Variants in ANKRD44 observed in about 807,000 individuals in gnomAD.
ANKRD44 encodes serine/threonine-protein phosphatase 6 regulatory ankyrin repeat subunit B.
A neutral mutation model predicts 116.0 loss-of-function variants in ANKRD44; 35 were observed. That is an observed-to-expected ratio of 0.30 (90% CI 0.23 to 0.40). ANKRD44 has a LOEUF of 0.40. Among genes scored for constraint, ANKRD44 ranks in the 10% least tolerant of loss-of-function variants. ANKRD44 has a pLI of 1.00. For synonymous variants in ANKRD44, 435 were observed against 461.8 expected, an observed-to-expected ratio of 0.94 and a Z score of 0.74; for missense variants, 1,014 against 1,242.6, an observed-to-expected ratio of 0.82 and a Z score of 2.77.
intron 16 of ANKRD44, among the ~76,000 whole-genome samples, chr2:197,073,952 T>C (rs998247945): frequency 1.3e-5 from 2 of 152,196 alleles, no homozygotes; most frequent in Non-Finnish European, 2.9e-5. Flanking sequence ...TCATTCATGG[T>C]AAAGCCCCCA....
At chr2:197,286,783 G>C (rs188410557) in intron 1 of ANKRD44, among the ~76,000 whole-genome samples, 34 of 152,022 alleles carry the variant, frequency 2.2e-4, no homozygotes, top group African/African-American at 8.2e-4. Context: ...CATGAAAAAA[G>C]GCCACAGAAT....
chr2:197,304,192 G>A lies in ANKRD44; in HGVS notation c.27+6386C>T, dbSNP rs892103365. Among the ~76,000 whole-genome samples, 15 of 152,232 alleles carry A rather than the reference G, an allele frequency of 9.9e-5. No homozygotes were observed. In the South Asian group the frequency reaches 1.5e-3, roughly 15 times the overall value. ...GTAGTGGTGCAAGCCTGTAATCCCA[G>A]CTACCCGGGAGTCTGAGGCTCAAGA... is the stretch of plus-strand genomic sequence containing the variant. On this transcript the variant is annotated intron_variant, in intron 1 of 27. Transcript: ENST00000282272.
At chr2:197,258,667 G>A (rs867464117) in intron 1 of ANKRD44, among the ~76,000 whole-genome samples, 1 of 152,102 alleles carries the variant, frequency 6.6e-6, no homozygotes, top group Non-Finnish European at 1.5e-5. Context: ...ACCACCACAC[G>A]GTTTTTCATG....
chr2:197,180,078 C>T (rs1272422988), intron 2 of ANKRD44, among the ~76,000 whole-genome samples: 1 of 151,922 alleles, frequency 6.6e-6, no homozygotes, highest in Admixed American at 6.5e-5. Flanking sequence ...ACCCCGGCCC[C>T]TAATCAGCGA....
intron 21 of ANKRD44, among the ~76,000 whole-genome samples, chr2:196,980,779 G>A (rs764839683): frequency 5.3e-5 from 8 of 152,142 alleles, no homozygotes; most frequent in Non-Finnish European, 1.2e-4. Flanking sequence ...TAATAGAAAT[G>A]CACTTGACCA....
chr2:196,986,158 C>T (rs1253651996), downstream of ANKRD44, among the ~76,000 whole-genome samples: 1 of 152,166 alleles, frequency 6.6e-6, no homozygotes, highest in Non-Finnish European at 1.5e-5. Context: ...TCTCTGTTCT[C>T]ATTTTTCTAT....
At chr2:197,136,312 T>A (rs1480132941) in intron 4 of ANKRD44, 1 of 448,470 alleles carries the variant, frequency 2.2e-6, no homozygotes, top group Non-Finnish European at 4.0e-6. Flanking sequence ...GATGATATTG[T>A]AATGATATGC....
intron 1 of ANKRD44, among the ~76,000 whole-genome samples, chr2:197,242,629 C>T (rs1032873810): frequency 2.0e-5 from 3 of 152,194 alleles, no homozygotes; most frequent in African/African-American, 7.2e-5. Flanking sequence ...AGGCTGTTCC[C>T]CCTATGGAAT....
intron 2 of ANKRD44, among the ~76,000 whole-genome samples, chr2:197,150,583 T>C (rs2079619368): frequency 6.6e-6 from 1 of 152,008 alleles, no homozygotes. Context: ...AAGAGCATCT[T>C]AGAAGTTCAT....
At chr2:197,219,918 T>G (rs1195997842) in intron 1 of ANKRD44, among the ~76,000 whole-genome samples, 1 of 152,084 alleles carries the variant, frequency 6.6e-6, no homozygotes, top group African/African-American at 2.4e-5. Context: ...CAAGAGTGAG[T>G]GAATGCCTTC....
chr2:197,258,139 G>C (rs2082500986), intron 1 of ANKRD44, among the ~76,000 whole-genome samples: 1 of 151,378 alleles, frequency 6.6e-6, no homozygotes, highest in African/African-American at 2.4e-5. Flanking sequence ...GTCTTGCTCT[G>C]TCACCCAGGC....
intron 1 of ANKRD44, among the ~76,000 whole-genome samples, chr2:197,247,584 G>C (rs1422975691): frequency 6.6e-6 from 1 of 152,162 alleles, no homozygotes; most frequent in African/African-American, 2.4e-5. Flanking sequence ...GTGCATGAGA[G>C]GACACAAACC....
At chr2:197,025,792 C>T (rs1289845678) in intron 16 of ANKRD44, among the ~76,000 whole-genome samples, 1 of 152,114 alleles carries the variant, frequency 6.6e-6, no homozygotes, top group African/African-American at 2.4e-5. Context: ...CAAGTGAATC[C>T]TAAATAAGAA....
chr2:197,234,510 AT>A (rs1412507715), intron 1 of ANKRD44, among the ~76,000 whole-genome samples: 2 of 152,054 alleles, frequency 1.3e-5, no homozygotes, highest in Non-Finnish European at 2.9e-5. Flanking sequence ...GGCATCTCTT[AT>A]TTTGTTTTGT....
intron 2 of ANKRD44, among the ~76,000 whole-genome samples, chr2:197,154,015 A>G (rs2079734358): frequency 6.6e-6 from 1 of 152,192 alleles, no homozygotes. Flanking sequence ...ATACCCAAAA[A>G]AGGAAGCACT....
At chr2:197,306,582 CCTT>C (rs138914066) in intron 1 of ANKRD44, among the ~76,000 whole-genome samples, 1,750 of 152,252 alleles carry the variant, frequency 0.011, 27 homozygotes, top group African/African-American at 0.04. Flanking sequence ...CTTTCTTTTC[CCTT>C]CTTCTATGCT....
chr2:197,123,376 T>A (rs1441185246), intron 6 of ANKRD44, among the ~76,000 whole-genome samples: 3 of 152,268 alleles, frequency 2.0e-5, no homozygotes, highest in Admixed American at 2.0e-4. Flanking sequence ...TTTTAGCTCC[T>A]GTTAGCATTT....
intron 1 of ANKRD44, among the ~76,000 whole-genome samples, chr2:197,239,535 AAC>A (rs1383330419): frequency 6.6e-6 from 1 of 152,204 alleles, no homozygotes; most frequent in Non-Finnish European, 1.5e-5. Context: ...CGGCCAAAAA[AAC>A]AGTCTTTAAT....
chr2:196,997,167 T>C (rs928773735), intron 25 of ANKRD44, among the ~76,000 whole-genome samples: 3 of 151,408 alleles, frequency 2.0e-5, no homozygotes, highest in African/African-American at 7.3e-5. Flanking sequence ...ATCCAAAAAA[T>C]CCTAAATCTG....
Sources: allele counts gnomAD v4.1 joint callset (sites outside exome capture counted in the v4.1 genomes callset), GRCh38; gene constraint gnomAD v4.1.1; transcripts MANE v1.5; gene names NCBI Gene and HGNC (gene_info 2026-07-23, HGNC 2026-07-21).